Variants in VWDE observed in about 807,000 individuals in gnomAD.
The protein encoded by VWDE is von Willebrand factor D and EGF domains.
A neutral mutation model predicts 178.4 loss-of-function variants in VWDE; 207 were observed. The observed-to-expected ratio is 1.16, with a 90% confidence interval of 1.04 to 1.30. The LOEUF (loss-of-function observed/expected upper bound fraction) is 1.30, where lower values mean the gene tolerates loss of function less well. Ranked by LOEUF, VWDE falls within the 50% of genes most tolerant of loss-of-function variation. The pLI, the probability that VWDE is intolerant of heterozygous loss-of-function variation, is 0.00. For missense variants in VWDE, 2,287 were observed against 1,901.3 expected, an observed-to-expected ratio of 1.20 and a Z score of -3.77; for synonymous variants, 738 against 651.4, an observed-to-expected ratio of 1.13 and a Z score of -2.02.
intron 1 of VWDE, among the ~76,000 whole-genome samples, chr7:12,399,963 G>A (rs141929887): frequency 7.8e-4 from 118 of 152,068 alleles, no homozygotes; most frequent in Non-Finnish European, 1.3e-3. Context: ...TTAAACAACC[G>A]AAATAATCAC....
chr7:12,380,431 G>A (rs1783781068), intron 5 of VWDE, 55 bp downstream of exon 5: 8 of 1,517,852 alleles, frequency 5.3e-6, no homozygotes, highest in Middle Eastern at 1.8e-4. Context: ...TTTAAAAATC[G>A]TGTTTGAAAA....
chr7:12,369,523 A>T, intron 12 of VWDE, 22 bp downstream of exon 12: 1 of 1,492,390 alleles, frequency 6.7e-7, no homozygotes, highest in Non-Finnish European at 9.0e-7. Context: ...TGCAATATCA[A>T]ACTTTGAGAG....
intron 19 of VWDE, among the ~76,000 whole-genome samples, chr7:12,350,889 A>G (rs1781894162): frequency 6.6e-6 from 1 of 152,256 alleles, no homozygotes; most frequent in South Asian, 2.1e-4. Flanking sequence ...GAAAGTAAAT[A>G]AGAATAGCAG....
At chr7:12,392,247 A>G (rs1480677224) in intron 2 of VWDE, among the ~76,000 whole-genome samples, 3 of 152,236 alleles carry the variant, frequency 2.0e-5, no homozygotes, top group Non-Finnish European at 4.4e-5. Flanking sequence ...TTACATATGC[A>G]ATAATGTCCG....
Position 12,362,104 on chromosome 7 carries a change from G to A in VWDE, c.2899-583C>T, listed in dbSNP as rs371637607. On this transcript the variant is annotated intron_variant, in intron 13 of 28. Transcript: ENST00000275358. The stretch of plus-strand genomic sequence containing the variant: ...CAGTTGGCCTCTGATGGCTTGAGTT[G>A]CAAGACACAAAACTATGGAGTGGTT... 1.3e-4 allele frequency among the ~76,000 whole-genome samples: 20 copies of A among 152,054 alleles called. No individual in the cohort carries two copies. The East Asian group carries it at 3.5e-3, about 27-fold the overall frequency.
In VWDE at chr7:12,378,050, C is replaced by G. The variant is rs1022428772; in HGVS notation, c.880-130G>C. On this transcript the variant is annotated intron_variant, in intron 6 of 28. Transcript: ENST00000275358. ...TAACTTAAGCCCTAGAATGTTTTAA[C>G]TAAGCAAGACCATTAAAATCAAACT... 17 of 626,920 alleles carry G rather than the reference C, an allele frequency of 2.7e-5. 1 individual carries two copies. In the South Asian group the frequency reaches 5.8e-4, roughly 21 times the overall value. The allele number at this position is 626,920 out of a possible 1,614,324, so 38.8% of individuals were successfully genotyped here. A position where few individuals can be genotyped will look rare whatever the true frequency, so the allele number is the denominator to read the frequency against.
chr7:12,369,328 T>G (rs1783024055), intron 12 of VWDE, among the ~76,000 whole-genome samples: 1 of 152,254 alleles, frequency 6.6e-6, no homozygotes, highest in South Asian at 2.1e-4. Flanking sequence ...CAGATCACAC[T>G]GTGCCTTCTA....
intron 8 of VWDE, 68 bp downstream of exon 8, chr7:12,374,941 GA>G: frequency 7.0e-7 from 1 of 1,427,632 alleles, no homozygotes; most frequent in Non-Finnish European, 9.5e-7. Flanking sequence ...AAGTTTATAA[GA>G]CATAATGATA....
At chr7:12,377,222 A>T (rs1783578165) in intron 7 of VWDE, among the ~76,000 whole-genome samples, 1 of 152,182 alleles carries the variant, frequency 6.6e-6, no homozygotes, top group Non-Finnish European at 1.5e-5. Context: ...CCATTGACAC[A>T]TATGTGGCCA....
chr7:12,372,501 A>T (rs916392027), intron 10 of VWDE, among the ~76,000 whole-genome samples: 11 of 152,208 alleles, frequency 7.2e-5, no homozygotes, highest in African/African-American at 2.6e-4. Context: ...GATATGAAGT[A>T]TAATCTTTAA....
chr7:12,393,383 G>A (rs777456917), intron 2 of VWDE, among the ~76,000 whole-genome samples: 2 of 152,018 alleles, frequency 1.3e-5, no homozygotes, highest in South Asian at 2.1e-4. Flanking sequence ...AGATATTGTC[G>A]GTGAAAGTGT....
rs79092993 is a variant in VWDE at position 12,393,567 on chromosome 7, C to T, written c.243+27G>A. 145 of 1,452,146 alleles carry T rather than the reference C, an allele frequency of 1.0e-4. No individual in the cohort carries two copies. In the African/African-American group the frequency reaches 2.0e-3, roughly 20 times the overall value. The allele number at this position is 1,452,146 out of a possible 1,614,324, so 90.0% of individuals were successfully genotyped here. Reference sequence around the variant, plus strand: ...TATGAAAAACACATAAGGAAAATAACATGCAGTACTTAGGGAGTTGACATA... The same window carrying T: ...TATGAAAAACACATAAGGAAAATAATATGCAGTACTTAGGGAGTTGACATA... On this transcript the variant is annotated intron_variant, in intron 2 of 28. Transcript: ENST00000275358.
At chr7:12,333,658 T>C (rs1030631141) in intron 27 of VWDE, 90 bp from the exon 28 acceptor site, 39 of 803,928 alleles carry the variant, frequency 4.9e-5, no homozygotes, top group South Asian at 3.7e-4. Flanking sequence ...TATCTGGTGA[T>C]TGGACACCAA....
Position 12,331,289 on chromosome 7 carries a change from G to T in VWDE, c.4759-92C>A, listed in dbSNP as rs183711812. 14 of 1,044,320 alleles carry T rather than the reference G, an allele frequency of 1.3e-5. No homozygotes were observed. The Middle Eastern group carries it at 6.1e-4, about 46-fold the overall frequency. The allele number at this position is 1,044,320 out of a possible 1,614,324, so 64.7% of individuals were successfully genotyped here. ...TTTGTTGCCTCCTTCCCTCTGACAT[G>T]ATACGTAAAGCTCTTTTGGTTCTGT... On this transcript the variant is annotated intron_variant, in intron 28 of 28. Transcript: ENST00000275358.
At chr7:12,340,695 G>C (rs1158140229) in intron 23 of VWDE, among the ~76,000 whole-genome samples, 1 of 152,134 alleles carries the variant, frequency 6.6e-6, no homozygotes, top group Non-Finnish European at 1.5e-5. Context: ...CCAAGATGAC[G>C]GTGCTCCTGC....
chr7:12,394,242 C>A (rs1353064470), intron 1 of VWDE, among the ~76,000 whole-genome samples: 1 of 152,102 alleles, frequency 6.6e-6, no homozygotes, highest in African/African-American at 2.4e-5. Context: ...CTGAACTAAT[C>A]TTTTAATGCT....
At chr7:12,337,740 T>C (rs935328806) in intron 24 of VWDE, among the ~76,000 whole-genome samples, 1 of 152,186 alleles carries the variant, frequency 6.6e-6, no homozygotes, top group Non-Finnish European at 1.5e-5. Context: ...GCTTTATATG[T>C]GACTTATTCC....
At position 12,351,727 on chromosome 7, in the gene VWDE, C is replaced by G; in HGVS notation, c.3746-14G>C. ...ACTGTGTTTCAACTGTAAATGAGAA[C>G]AAGGAAAACAGATTAGACTTAAACT... On this transcript the variant is annotated splice_polypyrimidine_tract_variant and intron_variant, in intron 18 of 28. Transcript: ENST00000275358. 3 of 1,530,700 alleles carry G rather than the reference C, an allele frequency of 2.0e-6. No individual in the cohort carries two copies. The highest frequency in any genetic ancestry group is 2.6e-6 in the Non-Finnish European group (3 of 1,138,994). The allele number at this position is 1,530,700 out of a possible 1,614,324, so 94.8% of individuals were successfully genotyped here.
intron 19 of VWDE, among the ~76,000 whole-genome samples, chr7:12,351,251 G>C (rs1781919501): frequency 6.6e-6 from 1 of 152,124 alleles, no homozygotes. Flanking sequence ...ATCACATTTA[G>C]GGTTTGAGCA....
Sources: allele counts gnomAD v4.1 joint callset (sites outside exome capture counted in the v4.1 genomes callset), GRCh38; gene constraint gnomAD v4.1.1; transcripts MANE v1.5; gene names NCBI Gene and HGNC (gene_info 2026-07-23, HGNC 2026-07-21).